TMEM132A: variants seen among roughly 807,000 people sequenced by gnomAD.
The protein encoded by TMEM132A is transmembrane protein 132A.
Under a neutral mutation model 69.9 loss-of-function variants are expected in TMEM132A, and 48 were observed. The ratio of observed to expected loss-of-function variants is 0.69; its 90% CI spans 0.55 to 0.87. The LOEUF (loss-of-function observed/expected upper bound fraction) is 0.87. TMEM132A is among the 40% of genes least tolerant of loss of function. TMEM132A has a pLI of 0.00. For missense variants in TMEM132A, 1,287 were observed against 1,407.2 expected (o/e 0.91, Z 1.37); for synonymous variants, 577 against 613.7 (o/e 0.94, Z 0.88).
intron 1 of TMEM132A, chr11:60,925,088 T>G: frequency 4.6e-6 from 1 of 219,016 alleles, no homozygotes; most frequent in Non-Finnish European, 9.1e-6. Context: ...CTGTGGTCTG[T>G]AGCGCTGCAC....
chr11:60,933,670 A>C lies in TMEM132A; in HGVS notation c.1485A>C (p.Leu495=), dbSNP rs781310951. ...SLRLTVWAPL[L]PLRIELTDTT... The stretch of plus-strand genomic sequence containing the variant: ...GGCTGACCGTGTGGGCCCCCCTGCT[A>C]CCGCTGCGTATCGAGCTCACCGACA... The change falls in exon 8 of 11, where the codon CTA becomes CTC. Residue 495 remains leucine (L), a synonymous_variant. Coordinates refer to ENST00000453848, the MANE Select transcript of TMEM132A (RefSeq NM_178031.3). 8.0e-5 allele frequency: 129 copies of C among 1,604,972 alleles called. No individual in the cohort carries two copies. The highest frequency in any genetic ancestry group is 1.1e-4 in the Non-Finnish European group (124 of 1,178,506).
At chr11:60,927,068 G>A (rs907055762) in intron 1 of TMEM132A, 136 bp from the exon 2 acceptor site, 5 of 756,104 alleles carry the variant, frequency 6.6e-6, no homozygotes, top group Non-Finnish European at 1.2e-5. Flanking sequence ...CTGTGAAATG[G>A]TGGTGAGAGG....
At chr11:60,934,940 A>AGG (rs11379371) in intron 9 of TMEM132A, among the ~76,000 whole-genome samples, 176 bp downstream of exon 9, 1 of 151,848 alleles carries the variant, frequency 6.6e-6, no homozygotes, top group Non-Finnish European at 1.5e-5. Flanking sequence ...TGGCCGCATA[A>AGG]GGGGGGAAGC....
In TMEM132A at chr11:60,936,312, G is replaced by GGGA. The variant is rs749825783; in HGVS notation, c.2490_2492dup (p.Glu835dup). ...GCCAGGAAGGAGGAGACCGAAGCCA[G>GGGA]GGAGGAGGAGGAGGAAGAGGAGGAG... is the stretch of plus-strand genomic sequence containing the variant. On this transcript the variant is annotated inframe_insertion, in exon 11 of 11. Coordinates refer to ENST00000453848, the MANE Select transcript of TMEM132A (RefSeq NM_178031.3). The GGGA allele has an allele frequency of 2.5e-6, 4 of 1,612,622 alleles. No homozygotes were observed. Among genetic ancestry groups the GGGA allele is most frequent in the Admixed American group, 3.3e-5 (2 of 59,992 alleles).
intron 7 of TMEM132A, chr11:60,932,763 C>T (rs1590627821): frequency 6.6e-6 from 1 of 152,298 alleles, no homozygotes; most frequent in East Asian, 1.9e-4. Context: ...ATCCCAGCCA[C>T]CTGAAGGGGG....
intron 5 of TMEM132A, among the ~76,000 whole-genome samples, chr11:60,931,352 G>A (rs533974388): frequency 3.3e-5 from 5 of 152,316 alleles, no homozygotes; most frequent in Admixed American, 6.5e-5. Context: ...TGAATCTCCC[G>A]CATGCCACCT....
At chr11:60,933,443 C>A in intron 7 of TMEM132A, 99 bp from the exon 8 acceptor site, 2 of 1,013,578 alleles carry the variant, frequency 2.0e-6, no homozygotes, top group Non-Finnish European at 2.9e-6. Flanking sequence ...CTCGGCCTCT[C>A]AGAGTGCTGG....
chr11:60,929,155 T>TA (rs1856421905), intron 4 of TMEM132A, among the ~76,000 whole-genome samples, 195 bp downstream of exon 4: 1 of 152,210 alleles, frequency 6.6e-6, no homozygotes, highest in Non-Finnish European at 1.5e-5. Context: ...GCCCTGGAAT[T>TA]AGAGTCAGAA....
chr11:60,936,545 G>A lies in TMEM132A; in HGVS notation c.2710G>A (p.Glu904Lys). The change falls in exon 11 of 11, where the codon GAA (glutamate) becomes AAA (lysine). Residue 904 changes from glutamate to lysine, a missense_variant. Glu to Lys is a moderately conservative substitution (Grantham distance 56, BLOSUM62 1). Coordinates refer to ENST00000453848, the MANE Select transcript of TMEM132A (RefSeq NM_178031.3). The part of the protein sequence containing the change: ...NWVWLGTDQE[E>K]LSRQLDRQSP... ...GGTCTGGCTGGGCACTGACCAGGAG[G>A]AACTGAGCCGCCAGCTGGACCGGCA... 6.2e-7 allele frequency: 1 copy of A among 1,611,884 alleles called. No homozygotes were observed. Among genetic ancestry groups the A allele is most frequent in the Non-Finnish European group, 8.5e-7 (1 of 1,179,012 alleles).
At position 60,936,156 on chromosome 11, in the gene TMEM132A, C is replaced by T. The variant is rs139029396; in HGVS notation, c.2321C>T (p.Pro774Leu). 7.6e-5 allele frequency: 123 copies of T among 1,613,932 alleles called. No individual in the cohort carries two copies. The African/African-American group carries it at 1.6e-3, about 21-fold the overall frequency. Residue 774 changes from proline (P) to leucine (L), a missense_variant, in exon 11 of 11, where the codon CCT (proline) becomes CTT (leucine). Transcript: ENST00000453848. The part of the protein sequence containing the change: ...LGLPPASTPA[P>L]ALPSSPAWSP... ...CTGCCCCCTGCCTCCACTCCAGCCC[C>T]TGCTCTCCCATCCAGCCCTGCTTGG...
rs982421971 is a variant in TMEM132A at position 60,935,044 on chromosome 11, G to C, written c.1837-208G>C. 6.6e-6 allele frequency among the ~76,000 whole-genome samples: 1 copy of C among 152,172 alleles called. No homozygotes were observed. The highest frequency in any genetic ancestry group is 2.4e-5 in the African/African-American group (1 of 41,432). Reference sequence around the variant, plus strand: ...CCCTAGGTGTGGGATTGGGGTCCAGGTATGCACCGGGGTGCAAAGAGTAGA... The same window carrying C: ...CCCTAGGTGTGGGATTGGGGTCCAGCTATGCACCGGGGTGCAAAGAGTAGA... On this transcript the variant is annotated intron_variant, in intron 9 of 10. Transcript: ENST00000453848. This position sits in a 1 kb window ranked among gnomAD's most constrained non-coding sequence, Gnocchi z 5.0.
Position 60,937,094 on chromosome 11 carries a change from G to C in TMEM132A, c.*187G>C. On this transcript the variant is annotated 3_prime_UTR_variant, in exon 11 of 11. Coordinates refer to ENST00000453848, the MANE Select transcript of TMEM132A (RefSeq NM_178031.3). ...TGTCATGGACCATGGTCGTGAGGAA[G>C]GGCTCATGCCCCTTATTTATGGGAA... 1 of 1,421,542 alleles carries C rather than the reference G, an allele frequency of 7.0e-7. No homozygotes were observed. Among genetic ancestry groups the C allele is most frequent in the East Asian group, 2.4e-5 (1 of 42,212 alleles). The allele number at this position is 1,421,542 out of a possible 1,614,324, so 88.1% of individuals were successfully genotyped here. A position where few individuals can be genotyped will look rare whatever the true frequency, so the allele number is the denominator to read the frequency against.
At position 60,936,478 on chromosome 11, in the gene TMEM132A, C is replaced by T. The variant is rs184941567; in HGVS notation, c.2643C>T (p.Pro881=). Residue 881 remains proline, a synonymous_variant, in exon 11 of 11, where the codon CCC becomes CCT. Transcript: ENST00000453848. ...FVLRYQRKEP[P]DSATDPTSPQ... ...TGCGCTATCAGCGCAAAGAACCTCC[C>T]GACAGTGCCACTGACCCCACCTCCC... The T allele has an allele frequency of 1.2e-5, 20 of 1,614,040 alleles. No homozygotes were observed. Among genetic ancestry groups the T allele is most frequent in the African/African-American group, 1.1e-4 (8 of 74,928 alleles).
In TMEM132A at chr11:60,933,679, T is replaced by C. The variant is rs1856528282; in HGVS notation, c.1494T>C (p.Arg498=). The C allele has an allele frequency of 6.2e-7, 1 of 1,604,722 alleles. No homozygotes were observed. The highest frequency in any genetic ancestry group is 1.9e-4 in the Middle Eastern group (1 of 5,244). Residue 498 remains arginine, a synonymous_variant, in exon 8 of 11, where the codon CGT becomes CGC. Coordinates refer to ENST00000453848, the MANE Select transcript of TMEM132A (RefSeq NM_178031.3). ...TGTGGGCCCCCCTGCTACCGCTGCG[T>C]ATCGAGCTCACCGACACCACCCTCG... ...LTVWAPLLPL[R]IELTDTTLEQ...
At chr11:60,934,353 G>A (rs1425379503) in intron 8 of TMEM132A, 135 bp from the exon 9 acceptor site, 1 of 814,578 alleles carries the variant, frequency 1.2e-6, no homozygotes, top group South Asian at 2.8e-5. Context: ...AGGGGCGGAT[G>A]TCTGCGTTTG....
intron 5 of TMEM132A, among the ~76,000 whole-genome samples, chr11:60,931,195 A>G (rs1242640510): frequency 6.6e-6 from 1 of 152,266 alleles, no homozygotes; most frequent in Non-Finnish European, 1.5e-5. Flanking sequence ...TGAAATAGGA[A>G]TAATAATGCA....
At chr11:60,934,399 G>C in intron 8 of TMEM132A, 89 bp from the exon 9 acceptor site, 1 of 1,196,046 alleles carries the variant, frequency 8.4e-7, no homozygotes, top group Non-Finnish European at 1.1e-6. Flanking sequence ...GAGCCGCCGG[G>C]GACGAGCTGC....
intron 8 of TMEM132A, 51 bp downstream of exon 8, chr11:60,933,795 C>G (rs1213815506): frequency 9.4e-6 from 14 of 1,496,392 alleles, no homozygotes; most frequent in Non-Finnish European, 1.2e-5. Context: ...CACACTGGGA[C>G]GGAGAGGGCG....
chr11:60,933,453 G>A (rs1198606939), intron 7 of TMEM132A, 89 bp from the exon 8 acceptor site: 9 of 1,114,288 alleles, frequency 8.1e-6, no homozygotes, highest in Admixed American at 2.2e-5. Flanking sequence ...CAGAGTGCTG[G>A]GACTACAGGC....
Sources: allele counts gnomAD v4.1 joint callset (sites outside exome capture counted in the v4.1 genomes callset), GRCh38; gene constraint gnomAD v4.1.1; non-coding constraint Gnocchi (gnomAD v3.1); transcripts MANE v1.5; gene names NCBI Gene and HGNC (gene_info 2026-07-23, HGNC 2026-07-21).